The following ADAMTS7 variants were observed in gnomAD, a reference collection of about 807,000 sequenced individuals.
The protein encoded by ADAMTS7 is ADAM metallopeptidase with thrombospondin type 1 motif 7.
ADAMTS7 carries 89 observed loss-of-function variants against 172.6 expected under a neutral mutation model. The observed-to-expected ratio is 0.52, with a 90% CI of 0.43 to 0.61. The LOEUF is 0.61. Ranked by LOEUF, ADAMTS7 falls within the 20% of genes least tolerant of loss-of-function variation. The pLI, the probability that ADAMTS7 is intolerant of heterozygous loss-of-function variation, is 0.00. For synonymous variants in ADAMTS7, 885 were observed against 978.4 expected (o/e 0.90, Z 1.78); for missense variants, 1,973 against 2,355.6 (o/e 0.84, Z 3.36).
At chr15:78,773,618 C>T (rs1293773799) in intron 13 of ADAMTS7, among the ~76,000 whole-genome samples, 3 of 152,054 alleles carry the variant, frequency 2.0e-5, no homozygotes, top group African/African-American at 7.2e-5. Context: ...ACCCCAGAGG[C>T]TTAGAGGGCA....
At chr15:78,782,023 G>A (rs2055434676) in intron 8 of ADAMTS7, among the ~76,000 whole-genome samples, 1 of 151,956 alleles carries the variant, frequency 6.6e-6, no homozygotes, top group South Asian at 2.1e-4. Flanking sequence ...AGAAGCCTGG[G>A]CCACAGTCTA....
intron 7 of ADAMTS7, 100 bp from the exon 8 acceptor site, chr15:78,788,474 G>C: frequency 6.9e-7 from 1 of 1,443,238 alleles, no homozygotes; most frequent in Admixed American, 2.1e-5. Flanking sequence ...TAGTTCCCAG[G>C]GCTGGTTCTG....
rs764359179 is a variant in ADAMTS7, at chr15:78,766,965, C to A, written c.2946G>T (p.Gln982His). 18 of 1,610,428 alleles carry A rather than the reference C, an allele frequency of 1.1e-5. No individual in the cohort carries two copies. The East Asian group carries it at 3.3e-4, about 30-fold the overall frequency. Reference sequence around the variant, plus strand: ...GAGAGCAGGTGACTTCGCTGGCTGGCTGCTGGGCCTCGTCACAGGGGACAC... The same window carrying A: ...GAGAGCAGGTGACTTCGCTGGCTGGATGCTGGGCCTCGTCACAGGGGACAC... Reference protein sequence around the residue: ...DTGVPCDEAQQPASEVTCSLP... With the variant: ...DTGVPCDEAQHPASEVTCSLP... The change falls in exon 19 of 24, where the codon CAG (glutamine) becomes CAT (histidine). Residue 982 changes from glutamine (Q) to histidine (H), a missense_variant. This residue lies in a region of ADAMTS7 where 771 missense variants were observed against 952.6 expected (regional missense o/e 0.81). Coordinates refer to ENST00000388820, the MANE Select transcript of ADAMTS7 (RefSeq NM_014272.5).
At chr15:78,777,144 A>G (rs1310311641) in intron 9 of ADAMTS7, 7 of 567,008 alleles carry the variant, frequency 1.2e-5, no homozygotes, top group Non-Finnish European at 1.9e-5. Context: ...TCGCCAGGAT[A>G]AACAGACCCT....
intron 1 of ADAMTS7, among the ~76,000 whole-genome samples, chr15:78,804,479 CTCG>C (rs2055763990): frequency 6.6e-6 from 1 of 152,180 alleles, no homozygotes; most frequent in Non-Finnish European, 1.5e-5. Flanking sequence ...ACTCTTCAGG[CTCG>C]CATGAATGCC....
intron 22 of ADAMTS7, 148 bp from the exon 23 acceptor site, chr15:78,762,713 C>T (rs953424698): frequency 3.5e-6 from 2 of 573,290 alleles, no homozygotes; most frequent in South Asian, 9.6e-5. Context: ...TCCTGGAGCA[C>T]CTGGTCCCAT....
chr15:78,766,676 C>G lies in ADAMTS7; in HGVS notation c.3235G>C (p.Gly1079Arg), dbSNP rs142710954. 6.2e-7 allele frequency: 1 copy of G among 1,610,882 alleles called. No individual in the cohort carries two copies. The highest frequency in any genetic ancestry group is 8.5e-7 in the Non-Finnish European group (1 of 1,179,790). Reference protein sequence around the residue: ...FINFHEDLSYGPSEEPDLDLA... With the variant: ...FINFHEDLSYRPSEEPDLDLA... Reference sequence around the variant, plus strand: ...TCTAGATCGGGCTCCTCAGAGGGCCCGTAGGACAGATCCTCGTGGAAATTG... The same window carrying G: ...TCTAGATCGGGCTCCTCAGAGGGCCGGTAGGACAGATCCTCGTGGAAATTG... Residue 1079 changes from glycine to arginine, a missense_variant, in exon 19 of 24, where the codon GGG becomes CGG. Coordinates refer to ENST00000388820, the MANE Select transcript of ADAMTS7 (RefSeq NM_014272.5).
chr15:78,808,740 A>C (rs767935249), intron 1 of ADAMTS7, among the ~76,000 whole-genome samples: 45 of 152,334 alleles, frequency 3.0e-4, no homozygotes, highest in Non-Finnish European at 5.9e-4. Flanking sequence ...ATGTGCTTGC[A>C]ACAAAGCTGA....
chr15:78,773,902 G>A (rs1204562132), intron 13 of ADAMTS7, among the ~76,000 whole-genome samples: 1 of 152,212 alleles, frequency 6.6e-6, no homozygotes, highest in African/African-American at 2.4e-5. Flanking sequence ...GAGACGCAGG[G>A]GGGCGAGGCC....
chr15:78,809,636 G>A (rs897129125), intron 1 of ADAMTS7, among the ~76,000 whole-genome samples: 1 of 152,190 alleles, frequency 6.6e-6, no homozygotes, highest in African/African-American at 2.4e-5. Flanking sequence ...CCACGAGGTT[G>A]ACCGCACCCA....
At position 78,771,416 on chromosome 15, in the gene ADAMTS7, T is replaced by G; in HGVS notation, c.2377-113A>C. 6.4e-7 allele frequency: 1 copy of G among 1,567,838 alleles called. No homozygotes were observed. Among genetic ancestry groups the G allele is most frequent in the Non-Finnish European group, 8.7e-7 (1 of 1,155,184 alleles). ...ACTGCAGCTACAAGATTGGGCCATT[T>G]TAAAGATGGGGAAACTGAGGTAGAG... is the stretch of plus-strand genomic sequence containing the variant. On this transcript the variant is annotated intron_variant, in intron 15 of 23. Transcript: ENST00000388820. This position sits in a 1 kb window ranked among gnomAD's most constrained non-coding sequence, Gnocchi z 4.9.
rs1394224663 is a variant in ADAMTS7 at position 78,800,375 on chromosome 15, C to T, written c.273G>A (p.Leu91=). 1.9e-6 allele frequency: 3 copies of T among 1,606,818 alleles called. No individual in the cohort carries two copies. Among genetic ancestry groups the T allele is most frequent in the East Asian group, 2.2e-5 (1 of 44,762 alleles). The part of the protein sequence containing the change: ...FYELQYRGRE[L]RFNLTANQHL... The stretch of plus-strand genomic sequence containing the variant: ...GCTGATTGGCGGTCAGGTTGAAGCG[C>T]AGCTCGCGCCCGCGGTATTGTAGCT... The change falls in exon 2 of 24, where the codon CTG becomes CTA. Residue 91 remains leucine (L), a synonymous_variant. Transcript: ENST00000388820.
At chr15:78,794,702 C>A (rs1214076032) in intron 4 of ADAMTS7, among the ~76,000 whole-genome samples, 2 of 152,118 alleles carry the variant, frequency 1.3e-5, no homozygotes, top group African/African-American at 4.8e-5. Flanking sequence ...TTGGGTTGGG[C>A]AGGTCTTTTT....
intron 4 of ADAMTS7, among the ~76,000 whole-genome samples, chr15:78,793,457 G>C (rs2055606586): frequency 6.6e-6 from 1 of 151,918 alleles, no homozygotes; most frequent in Non-Finnish European, 1.5e-5. Context: ...CCACCTCCTG[G>C]GCTCAAGCAA....
In ADAMTS7 at chr15:78,764,699, G is replaced by T. The variant is rs1403659602; in HGVS notation, c.4275C>A (p.Thr1425=). The T allele has an allele frequency of 6.5e-7, 1 of 1,538,298 alleles. No individual in the cohort carries two copies. The highest frequency in any genetic ancestry group is 8.7e-7 in the Non-Finnish European group (1 of 1,151,204). ...TCCAGACCGCACCCAGGCCACAGGT[G>T]GTAGAGCACTGCGGGGCAGAGACCC... ...WQAGNWSECS[T]TCGLGAVWRP... is the part of the protein sequence containing the mutation. The change falls in exon 20 of 24, where the codon ACC becomes ACA. Residue 1425 remains threonine, a synonymous_variant. Transcript: ENST00000388820.
intron 1 of ADAMTS7, among the ~76,000 whole-genome samples, chr15:78,805,694 G>A (rs1202210662): frequency 3.9e-5 from 6 of 152,130 alleles, no homozygotes; most frequent in Middle Eastern, 3.2e-3. Context: ...CCTAGTCCAC[G>A]GCATTTGGTA....
intron 23 of ADAMTS7, 186 bp downstream of exon 23, chr15:78,762,217 G>C: frequency 4.1e-6 from 3 of 738,790 alleles, no homozygotes; most frequent in Non-Finnish European, 5.0e-6. Flanking sequence ...CTGACTCCCA[G>C]CACAGCCCAG....
rs1468294378 is a variant in ADAMTS7 at position 78,776,826 on chromosome 15, G to A, written c.1483C>T (p.Leu495Phe). ...CAGGTGGTCCCCACAGAGCACCAGA[G>A]TGTGTGGCAGACATTCTGCGAGGAG... The part of the protein sequence containing the change: ...CEDMDNVCHT[L>F]WCSVGTTCHS... Residue 495 changes from leucine (L) to phenylalanine (F), a missense_variant, in exon 10 of 24, where the codon CTC (leucine) becomes TTC (phenylalanine). Around this residue, in one of 8 missense-constraint regions of ADAMTS7, gnomAD observed 526 missense variants for 662.9 expected, o/e 0.79. Transcript: ENST00000388820. 6.5e-7 allele frequency: 1 copy of A among 1,546,600 alleles called. No individual in the cohort carries two copies. Among genetic ancestry groups the A allele is most frequent in the Admixed American group, 2.0e-5 (1 of 51,000 alleles).
intron 8 of ADAMTS7, 30 bp downstream of exon 8, chr15:78,788,201 G>T: frequency 6.2e-7 from 1 of 1,612,136 alleles, no homozygotes; most frequent in Non-Finnish European, 8.5e-7. Context: ...CATGGATCAA[G>T]GTATAGGGGC....
Sources: allele counts gnomAD v4.1 joint callset (sites outside exome capture counted in the v4.1 genomes callset), GRCh38; gene constraint gnomAD v4.1.1; regional missense constraint gnomAD v4.1.1; non-coding constraint Gnocchi (gnomAD v3.1); transcripts MANE v1.5; gene names NCBI Gene and HGNC (gene_info 2026-07-23, HGNC 2026-07-21).